Variants in RALGAPB observed in about 807,000 individuals in gnomAD.
RALGAPB encodes the protein Ral GTPase activating protein non-catalytic subunit beta.
A neutral mutation model predicts 161.1 loss-of-function variants in RALGAPB; 25 were observed. That is an observed-to-expected ratio of 0.16 (90% confidence interval 0.11 to 0.22). The LOEUF (loss-of-function observed/expected upper bound fraction) is 0.22, where lower values mean the gene tolerates loss of function less well. RALGAPB is among the 10% of genes least tolerant of loss of function. The pLI, the probability that RALGAPB is intolerant of heterozygous loss-of-function variation, is 1.00. For missense variants in RALGAPB, 1,391 were observed against 1,815.2 expected (o/e 0.77, Z 4.25); for synonymous variants, 629 against 626.1 (o/e 1.00, Z -0.07).
chr20:38,567,812 G>C (rs2088064712), intron 26 of RALGAPB, among the ~76,000 whole-genome samples: 2 of 152,184 alleles, frequency 1.3e-5, no homozygotes, highest in Admixed American at 6.5e-5. Flanking sequence ...TTGACTAAAG[G>C]TGTTCCTCCA....
chr20:38,507,267 T>A (rs1248422054), intron 5 of RALGAPB, among the ~76,000 whole-genome samples: 1 of 152,214 alleles, frequency 6.6e-6, no homozygotes, highest in Non-Finnish European at 1.5e-5. Context: ...TTACACAAAC[T>A]TTTTCTCATT....
chr20:38,570,107 G>GA, intron 27 of RALGAPB, 111 bp downstream of exon 27: 5 of 806,640 alleles, frequency 6.2e-6, no homozygotes, highest in Admixed American at 2.3e-5. Context: ...AGCTAGTCCT[G>GA]GAGTTCAGCA....
chr20:38,473,153 A>G (rs2122788968), intron 1 of RALGAPB, 84 bp downstream of exon 1: 3 of 327,954 alleles, frequency 9.1e-6, no homozygotes, highest in Middle Eastern at 1.6e-3. Context: ...GGGACGGCTG[A>G]GGCTTGTTTC....
chr20:38,483,040 C>G (rs147801181), intron 1 of RALGAPB, among the ~76,000 whole-genome samples: 162 of 152,320 alleles, frequency 1.1e-3, no homozygotes, highest in Admixed American at 5.3e-3. Context: ...GTGTGTGCCA[C>G]CACGCCTGGC....
chr20:38,478,883 T>A (rs2084883413), intron 1 of RALGAPB, among the ~76,000 whole-genome samples: 1 of 152,160 alleles, frequency 6.6e-6, no homozygotes, highest in Admixed American at 6.5e-5. Flanking sequence ...CCCAAAGTCC[T>A]GGGATTACAG....
rs1489053300 is a variant in RALGAPB, at chr20:38,577,047, T to C, written c.*2080T>C. 4 of 152,366 alleles carry C rather than the reference T, an allele frequency of 2.6e-5. No individual in the cohort carries two copies. Among genetic ancestry groups the C allele is most frequent in the Non-Finnish European group, 5.9e-5 (4 of 68,046 alleles). 9.4% of individuals were successfully genotyped at this position (152,366 alleles called of 1,614,324 possible). A position where few individuals can be genotyped will look rare whatever the true frequency, so the allele number is the denominator to read the frequency against. ...TTGATACATGAACAATCATGTTGAATGCATTTGTGATCTGGGAGACTTCCT... is the reference window on the plus strand; with the variant it reads ...TTGATACATGAACAATCATGTTGAACGCATTTGTGATCTGGGAGACTTCCT... On this transcript the variant is annotated 3_prime_UTR_variant, in exon 30 of 30. Transcript: ENST00000262879.
chr20:38,477,294 A>T (rs1309406509), intron 1 of RALGAPB, among the ~76,000 whole-genome samples: 1 of 152,244 alleles, frequency 6.6e-6, no homozygotes, highest in East Asian at 1.9e-4. Flanking sequence ...TATTGGACAG[A>T]GGTCTGTTTT....
Position 38,517,171 on chromosome 20 carries a change from G to T in RALGAPB, c.1052-335G>T, listed in dbSNP as rs570428477. On this transcript the variant is annotated intron_variant, in intron 7 of 29. Coordinates refer to ENST00000262879, the MANE Select transcript of RALGAPB (RefSeq NM_020336.4). ...TCCAAACATCCTGTCCAGGAATTAG[G>T]AAGGAAGGAGAGTCTGCATATAATT... Among the ~76,000 whole-genome samples, 24 of 152,322 alleles carry T rather than the reference G, an allele frequency of 1.6e-4. No homozygotes were observed. The South Asian group carries it at 5.0e-3, about 32-fold the overall frequency.
At chr20:38,566,370 C>T (rs2087999942) in intron 25 of RALGAPB, among the ~76,000 whole-genome samples, 1 of 152,202 alleles carries the variant, frequency 6.6e-6, no homozygotes. Flanking sequence ...AAGCCAGAAC[C>T]TGTCCGTCCT....
At chr20:38,503,825 T>C (rs1384020909) in intron 5 of RALGAPB, among the ~76,000 whole-genome samples, 1 of 152,162 alleles carries the variant, frequency 6.6e-6, no homozygotes, top group African/African-American at 2.4e-5. Flanking sequence ...GTCTTATTTT[T>C]AAAAACTGCC....
intron 28 of RALGAPB, among the ~76,000 whole-genome samples, chr20:38,572,971 T>C (rs2088296204): frequency 6.6e-6 from 1 of 152,178 alleles, no homozygotes; most frequent in Non-Finnish European, 1.5e-5. Context: ...TTTTTCTTTA[T>C]GACACTAACT....
At chr20:38,541,293 T>A in intron 18 of RALGAPB, 101 bp downstream of exon 18, 3 of 1,144,822 alleles carry the variant, frequency 2.6e-6, no homozygotes, top group Non-Finnish European at 3.6e-6. Context: ...CATTGCGTGA[T>A]GCAGCCCCTT....
chr20:38,510,806 A>G (rs2085920536), intron 6 of RALGAPB, among the ~76,000 whole-genome samples: 1 of 139,280 alleles, frequency 7.2e-6, no homozygotes, highest in African/African-American at 3.3e-5. Context: ...GCTACTTGGG[A>G]GGCTGAGGCA....
intron 5 of RALGAPB, among the ~76,000 whole-genome samples, chr20:38,505,645 T>C (rs1247134491): frequency 1.3e-5 from 2 of 152,218 alleles, no homozygotes; most frequent in Non-Finnish European, 2.9e-5. Flanking sequence ...TATTTTTAAA[T>C]TAAGGATGTG....
At chr20:38,537,355 C>G (rs898727892) in intron 16 of RALGAPB, among the ~76,000 whole-genome samples, 24 of 152,248 alleles carry the variant, frequency 1.6e-4, no homozygotes, top group African/African-American at 5.8e-4. Context: ...TTAACTCAAA[C>G]TGGCTGGGCA....
chr20:38,553,634 T>C (rs1479933600), intron 21 of RALGAPB, among the ~76,000 whole-genome samples: 1 of 152,080 alleles, frequency 6.6e-6, no homozygotes, highest in East Asian at 1.9e-4. Flanking sequence ...CTTGTAGCTT[T>C]ATTTTCATTT....
intron 18 of RALGAPB, among the ~76,000 whole-genome samples, chr20:38,545,155 A>G (rs2087121428): frequency 6.6e-6 from 1 of 152,218 alleles, no homozygotes; most frequent in Admixed American, 6.5e-5. Flanking sequence ...TGATAAAAAT[A>G]TTGAACAGAT....
chr20:38,546,033 A>T (rs961295659), intron 18 of RALGAPB, among the ~76,000 whole-genome samples: 1 of 152,150 alleles, frequency 6.6e-6, no homozygotes. Flanking sequence ...ACATACAGGT[A>T]TGCATCTGGG....
chr20:38,500,270 G>A (rs796159804), intron 5 of RALGAPB, among the ~76,000 whole-genome samples: 1 of 150,352 alleles, frequency 6.7e-6, no homozygotes, highest in African/African-American at 2.5e-5. Context: ...TTGAAGGGTT[G>A]TGGCAACCCT....
Sources: gnomAD v4.1 joint callset for allele counts (sites outside exome capture counted in the v4.1 genomes callset) on GRCh38, gnomAD v4.1.1 for gene constraint, MANE v1.5 for transcripts, NCBI Gene and HGNC (gene_info 2026-07-23, HGNC 2026-07-21) for gene names.